The following DNAH11 variants were observed in gnomAD, a reference collection of about 807,000 sequenced individuals.
The protein encoded by DNAH11 is dynein axonemal heavy chain 11, also known as axonemal beta dynein heavy chain 11.
Under a neutral mutation model 526.0 loss-of-function variants are expected in DNAH11, and 442 were observed. That is an observed-to-expected ratio of 0.84 (90% CI 0.78 to 0.91). The LOEUF (loss-of-function observed/expected upper bound fraction) is 0.91. Ranked by LOEUF, DNAH11 falls within the 40% of genes least tolerant of loss-of-function variation. The pLI is 0.00. For missense variants in DNAH11, 6,989 were observed against 5,448.7 expected (o/e 1.28, Z -8.90); for synonymous variants, 2,461 against 1,935.9 (o/e 1.27, Z -7.12).
At chr7:21,740,606 T>G (rs1418298636) in intron 48 of DNAH11, among the ~76,000 whole-genome samples, 1 of 152,230 alleles carries the variant, frequency 6.6e-6, no homozygotes, top group Non-Finnish European at 1.5e-5. Flanking sequence ...TACCACATTT[T>G]CCTTAGTTAT....
At chr7:21,570,835 A>G (rs1374400026) in intron 7 of DNAH11, 1 of 152,128 alleles carries the variant, frequency 6.6e-6, no homozygotes, top group African/African-American at 2.4e-5. Context: ...AATTAAACAC[A>G]TACAACCTAC....
intron 48 of DNAH11, among the ~76,000 whole-genome samples, chr7:21,740,563 T>G (rs1283853909): frequency 2.0e-5 from 3 of 152,230 alleles, no homozygotes; most frequent in Non-Finnish European, 4.4e-5. Context: ...TTCTTTCCTA[T>G]GTAAGACCGA....
At chr7:21,708,172 A>G (rs1437413857) in intron 40 of DNAH11, among the ~76,000 whole-genome samples, 1 of 152,198 alleles carries the variant, frequency 6.6e-6, no homozygotes, top group Non-Finnish European at 1.5e-5. Flanking sequence ...TCAGGCAGAC[A>G]TTATTCCAGG....
intron 9 of DNAH11, among the ~76,000 whole-genome samples, chr7:21,587,187 G>T (rs1784501829): frequency 6.6e-6 from 1 of 152,304 alleles, no homozygotes; most frequent in East Asian, 1.9e-4. Context: ...CAAGACAAGA[G>T]ACTAATGGGA....
At chr7:21,869,850 A>G (rs1372915645) in intron 73 of DNAH11, among the ~76,000 whole-genome samples, 5 of 152,138 alleles carry the variant, frequency 3.3e-5, no homozygotes, top group Admixed American at 2.0e-4. Context: ...TCTCCCACCC[A>G]GTGTCCTCTG....
chr7:21,708,642 C>G, intron 40 of DNAH11, among the ~76,000 whole-genome samples: 1 of 152,192 alleles, frequency 6.6e-6, no homozygotes, highest in Admixed American at 6.5e-5. Context: ...GTCCCCAAAT[C>G]CCACCATCCC....
At chr7:21,779,575 T>G (rs575586955) in intron 57 of DNAH11, among the ~76,000 whole-genome samples, 1 of 152,346 alleles carries the variant, frequency 6.6e-6, no homozygotes, top group East Asian at 1.9e-4. Context: ...TCTTTTTGAT[T>G]CGATCGAGGC....
intron 32 of DNAH11, among the ~76,000 whole-genome samples, chr7:21,684,782 A>T (rs1783300623): frequency 6.6e-6 from 1 of 152,266 alleles, no homozygotes; most frequent in South Asian, 2.1e-4. Context: ...ATACATACCT[A>T]GTCAGAATAT....
intron 65 of DNAH11, among the ~76,000 whole-genome samples, chr7:21,826,263 CTT>C (rs1790293065): frequency 6.6e-6 from 1 of 151,982 alleles, no homozygotes; most frequent in Non-Finnish European, 1.5e-5. Flanking sequence ...AAAATAAAGA[CTT>C]TCTTATTTCC....
chr7:21,677,081 A>G (rs1036805525), intron 30 of DNAH11, among the ~76,000 whole-genome samples: 10 of 152,220 alleles, frequency 6.6e-5, no homozygotes, highest in African/African-American at 2.4e-4. Flanking sequence ...CATATTAGAC[A>G]TAAAACAATA....
At chr7:21,787,255 A>G (rs1231748838) in intron 59 of DNAH11, 146 bp from the exon 60 acceptor site, 15 of 695,434 alleles carry the variant, frequency 2.2e-5, no homozygotes, top group Non-Finnish European at 3.0e-5. Flanking sequence ...TACTATAAAG[A>G]CTGAAAAAGT....
intron 70 of DNAH11, 89 bp from the exon 71 acceptor site, chr7:21,866,381 A>C (rs1301952812): frequency 7.9e-7 from 1 of 1,269,730 alleles, no homozygotes; most frequent in African/African-American, 1.5e-5. Context: ...CAGTTTTTTT[A>C]CATAAGATTA....
chr7:21,651,346 C>A (rs1781761981), intron 28 of DNAH11, among the ~76,000 whole-genome samples: 1 of 151,934 alleles, frequency 6.6e-6, no homozygotes, highest in African/African-American at 2.4e-5. Flanking sequence ...TTTCATCTTT[C>A]TTCCTTTTTT....
At chr7:21,562,398 G>A (rs894967041) in intron 5 of DNAH11, among the ~76,000 whole-genome samples, 2 of 152,176 alleles carry the variant, frequency 1.3e-5, no homozygotes, top group African/African-American at 2.4e-5. Flanking sequence ...TATACACTAT[G>A]CAAGGTACTA....
At chr7:21,609,750 A>G (rs1785441877) in intron 20 of DNAH11, among the ~76,000 whole-genome samples, 1 of 152,180 alleles carries the variant, frequency 6.6e-6, no homozygotes, top group Middle Eastern at 3.2e-3. Context: ...GCAAGAAAAA[A>G]TAGAGGCAAA....
intron 30 of DNAH11, among the ~76,000 whole-genome samples, chr7:21,659,731 A>G (rs1012475692): frequency 3.3e-5 from 5 of 152,084 alleles, no homozygotes; most frequent in Non-Finnish European, 7.4e-5. Context: ...GTAGGATTGT[A>G]CCTTCTTCCT....
At chr7:21,568,956 C>T (rs1220038171) in intron 6 of DNAH11, among the ~76,000 whole-genome samples, 1 of 152,190 alleles carries the variant, frequency 6.6e-6, no homozygotes, top group Admixed American at 6.5e-5. Flanking sequence ...CCCTGAATGA[C>T]TTGCTGTTAT....
intron 57 of DNAH11, among the ~76,000 whole-genome samples, chr7:21,782,647 C>G (rs1300314182): frequency 1.3e-5 from 2 of 152,194 alleles, no homozygotes; most frequent in African/African-American, 2.4e-5. Flanking sequence ...CGCAGTGGCC[C>G]ATGCCTGTAA....
At chr7:21,606,005 G>T (rs142099661) in intron 18 of DNAH11, among the ~76,000 whole-genome samples, 8 of 152,280 alleles carry the variant, frequency 5.3e-5, no homozygotes, top group African/African-American at 1.9e-4. Flanking sequence ...AGAATGAAGA[G>T]ATGTCATGGG....
Sources: allele counts gnomAD v4.1 joint callset (sites outside exome capture counted in the v4.1 genomes callset), GRCh38; gene constraint gnomAD v4.1.1; transcripts MANE v1.5; gene names NCBI Gene and HGNC (gene_info 2026-07-23, HGNC 2026-07-21).